ATF7IP: variants seen among roughly 807,000 people sequenced by gnomAD.
ATF7IP encodes activating transcription factor 7 interacting protein.
ATF7IP carries 23 observed loss-of-function variants against 106.4 expected under a neutral mutation model. The observed-to-expected ratio is 0.22, with a 90% CI of 0.16 to 0.31. The LOEUF is 0.31. Among genes scored for constraint, ATF7IP ranks in the 10% least tolerant of loss-of-function variants. ATF7IP has a pLI of 1.00. For synonymous variants in ATF7IP, 542 were observed against 539.0 expected (o/e 1.01, Z -0.08); for missense variants, 1,334 against 1,524.3 (o/e 0.88, Z 2.08).
At chr12:14,414,727 G>C (rs1423785578) in intron 1 of ATF7IP, among the ~76,000 whole-genome samples, 2 of 152,108 alleles carry the variant, frequency 1.3e-5, no homozygotes, top group African/African-American at 4.8e-5. Flanking sequence ...TGTTGTTGCT[G>C]CATTATCATC....
chr12:14,458,396 T>C (rs1266198405), intron 8 of ATF7IP, among the ~76,000 whole-genome samples: 1 of 152,202 alleles, frequency 6.6e-6, no homozygotes, highest in African/African-American at 2.4e-5. Context: ...AATATATAGA[T>C]GGAAAAGGGC....
At chr12:14,484,256 A>G (rs555947382) in intron 13 of ATF7IP, among the ~76,000 whole-genome samples, 33 of 152,222 alleles carry the variant, frequency 2.2e-4, no homozygotes, top group Admixed American at 5.2e-4. Flanking sequence ...CACTGCCACC[A>G]TGGCTACCTT....
chr12:14,425,195 C>A lies in ATF7IP; in HGVS notation c.1280C>A (p.Thr427Lys), dbSNP rs1941775654. ...DNKSENILEN[T>K]DSMETDEIIP... ...AAAAGTGAGAATATCTTAGAAAATACAGACTCTATGGAGACAGATGAAATC... is the reference window on the plus strand; with the variant it reads ...AAAAGTGAGAATATCTTAGAAAATAAAGACTCTATGGAGACAGATGAAATC... The change falls in exon 2 of 15, where the codon ACA becomes AAA. Residue 427 changes from threonine (T) to lysine (K), a missense_variant. Physicochemically the swap from Thr to Lys is moderately conservative, Grantham distance 78. Around this residue, in one of 10 missense-constraint regions of ATF7IP, gnomAD observed 438 missense variants for 405.3 expected, o/e 1.08. Transcript: ENST00000261168. 1.3e-6 allele frequency: 2 copies of A among 1,597,162 alleles called. No individual in the cohort carries two copies. Among genetic ancestry groups the A allele is most frequent in the Non-Finnish European group, 1.7e-6 (2 of 1,175,310 alleles).
intron 5 of ATF7IP, among the ~76,000 whole-genome samples, chr12:14,442,488 A>G (rs1162297181): frequency 6.6e-6 from 1 of 152,204 alleles, no homozygotes; most frequent in African/African-American, 2.4e-5. Context: ...TATAAAGCAT[A>G]GTGCAAGATC....
rs1272696298 is a variant in ATF7IP, at chr12:14,461,115, A to G, written c.2779A>G (p.Asn927Asp). The change falls in exon 9 of 15, where the codon AAT becomes GAT. Residue 927 changes from asparagine (N) to aspartate (D), a missense_variant. Around this residue, in one of 10 missense-constraint regions of ATF7IP, gnomAD observed 370 missense variants for 401.2 expected, o/e 0.92. Transcript: ENST00000261168. Reference protein sequence around the residue: ...STSSAAEQNSNTTPRIENQTN... With the variant: ...STSSAAEQNSDTTPRIENQTN... ...TTCGTCTGCTGCAGAACAGAACAGCAATACCACCCCAAGAATTGGTAAGTC... is the reference window on the plus strand; with the variant it reads ...TTCGTCTGCTGCAGAACAGAACAGCGATACCACCCCAAGAATTGGTAAGTC... The G allele has an allele frequency of 4.3e-6, 7 of 1,612,070 alleles. No homozygotes were observed. In the South Asian group the frequency reaches 6.6e-5, roughly 15 times the overall value.
Position 14,424,725 on chromosome 12 carries a change from C to G in ATF7IP, c.810C>G (p.Ala270=). 1 of 1,614,062 alleles carries G rather than the reference C, an allele frequency of 6.2e-7. No homozygotes were observed. The highest frequency in any genetic ancestry group is 8.5e-7 in the Non-Finnish European group (1 of 1,180,002). Residue 270 remains alanine (A), a synonymous_variant, in exon 2 of 15, where the codon GCC becomes GCG. Transcript: ENST00000261168. Reference sequence around the variant, plus strand: ...GTGAACTGGCCTCTGATGATCTGGCCACTGGTGAACTGGCCTCTGATGAGC... The same window carrying G: ...GTGAACTGGCCTCTGATGATCTGGCGACTGGTGAACTGGCCTCTGATGAGC... The part of the protein sequence containing the change: ...SSSELASDDL[A]TGELASDELT...
chr12:14,493,871 C>T (rs1214365820), intron 13 of ATF7IP, among the ~76,000 whole-genome samples: 1 of 152,094 alleles, frequency 6.6e-6, no homozygotes, highest in East Asian at 1.9e-4. Flanking sequence ...TCAGTATCTT[C>T]TTCTGAGGCT....
At chr12:14,418,393 C>T (rs1941313182) in intron 1 of ATF7IP, among the ~76,000 whole-genome samples, 1 of 152,114 alleles carries the variant, frequency 6.6e-6, no homozygotes, top group African/African-American at 2.4e-5. Context: ...AATACCAATG[C>T]TTTTTTCTGT....
intron 13 of ATF7IP, among the ~76,000 whole-genome samples, chr12:14,494,772 A>G (rs1424551817): frequency 2.6e-5 from 4 of 151,482 alleles, no homozygotes; most frequent in Non-Finnish European, 5.9e-5. Flanking sequence ...ATCCCTACCA[A>G]AAATACAAAA....
intron 2 of ATF7IP, among the ~76,000 whole-genome samples, chr12:14,431,252 A>G (rs1423160779): frequency 6.6e-6 from 1 of 152,114 alleles, no homozygotes; most frequent in East Asian, 1.9e-4. Context: ...TAATGAGCTT[A>G]CTGTCTAGTC....
At chr12:14,403,172 AATTTTT>A (rs1464799702) in intron 1 of ATF7IP, among the ~76,000 whole-genome samples, 1 of 151,478 alleles carries the variant, frequency 6.6e-6, no homozygotes, top group African/African-American at 2.4e-5. Context: ...GCTTAATTTT[AATTTTT>A]ATCAGTGAAT....
chr12:14,467,881 G>A (rs1943890303), intron 10 of ATF7IP, among the ~76,000 whole-genome samples: 1 of 152,092 alleles, frequency 6.6e-6, no homozygotes, highest in Non-Finnish European at 1.5e-5. Flanking sequence ...CAAATGGCTA[G>A]TGGCTAGCAT....
At chr12:14,406,493 G>A (rs1446945854) in intron 1 of ATF7IP, among the ~76,000 whole-genome samples, 1 of 151,916 alleles carries the variant, frequency 6.6e-6, no homozygotes, top group Non-Finnish European at 1.5e-5. Flanking sequence ...TCCTTGCAAT[G>A]AGGATAACAG....
intron 10 of ATF7IP, among the ~76,000 whole-genome samples, chr12:14,470,037 A>C (rs1223732545): frequency 6.6e-6 from 1 of 152,180 alleles, no homozygotes; most frequent in East Asian, 1.9e-4. Context: ...GTACATCATC[A>C]ATCTTCATTC....
Position 14,498,327 on chromosome 12 carries a change from A to C in ATF7IP, c.*254A>C, listed in dbSNP as rs1257901591. The C allele has an allele frequency of 2.4e-6, 1 of 411,462 alleles. No individual in the cohort carries two copies. The highest frequency in any genetic ancestry group is 4.3e-6 in the Non-Finnish European group (1 of 230,458). 25.5% of individuals were successfully genotyped at this position (411,462 alleles called of 1,614,324 possible). ...CTTGCTTTAGTTTTGAGGCTGGGGA[A>C]TATGTGTGGGTGTTTATGTGTGTTT... On this transcript the variant is annotated 3_prime_UTR_variant, in exon 15 of 15. Coordinates refer to ENST00000261168, the MANE Select transcript of ATF7IP (RefSeq NM_018179.5).
intron 6 of ATF7IP, among the ~76,000 whole-genome samples, chr12:14,448,091 C>G (rs542337662): frequency 6.6e-6 from 1 of 151,782 alleles, no homozygotes; most frequent in Non-Finnish European, 1.5e-5. Context: ...TTTATTTGAA[C>G]AAGGTCCATT....
At chr12:14,448,375 G>T (rs1035899878) in intron 6 of ATF7IP, among the ~76,000 whole-genome samples, 6 of 152,038 alleles carry the variant, frequency 3.9e-5, no homozygotes, top group African/African-American at 1.2e-4. Flanking sequence ...GTTTTTACAT[G>T]TGTATTTAAA....
chr12:14,425,511 A>T, intron 2 of ATF7IP, 38 bp downstream of exon 2: 8 of 1,479,606 alleles, frequency 5.4e-6, no homozygotes, highest in Non-Finnish European at 7.2e-6. Context: ...TTTTTTATTG[A>T]CTTTGATGAA....
chr12:14,474,525 C>G (rs567247682), intron 10 of ATF7IP, among the ~76,000 whole-genome samples: 1 of 151,694 alleles, frequency 6.6e-6, no homozygotes, highest in African/African-American at 2.4e-5. Flanking sequence ...CTCAGCCTCC[C>G]GAGTAGCTGG....
Sources: allele counts gnomAD v4.1 joint callset (sites outside exome capture counted in the v4.1 genomes callset), GRCh38; gene constraint gnomAD v4.1.1; regional missense constraint gnomAD v4.1.1; transcripts MANE v1.5; gene names NCBI Gene and HGNC (gene_info 2026-07-23, HGNC 2026-07-21).